Variants in LCP1 observed in about 807,000 individuals in gnomAD.
LCP1 encodes the protein plastin-2.
In LCP1, 23 loss-of-function variants were observed where a neutral mutation model predicts 72.0. The observed-to-expected ratio is 0.32, with a 90% confidence interval of 0.23 to 0.45. The LOEUF (loss-of-function observed/expected upper bound fraction) is 0.45, where lower values mean the gene tolerates loss of function less well. Among genes scored for constraint, LCP1 ranks in the 20% least tolerant of loss-of-function variants. The pLI, the probability that LCP1 is intolerant of heterozygous loss-of-function variation, is 1.00. For synonymous variants in LCP1, 245 were observed against 275.4 expected (o/e 0.89, Z 1.09); for missense variants, 571 against 748.3 (o/e 0.76, Z 2.76).
intron 1 of LCP1, among the ~76,000 whole-genome samples, chr13:46,176,863 ATG>A (rs549996097): frequency 3.3e-4 from 49 of 146,872 alleles, no homozygotes; most frequent in Middle Eastern, 3.5e-3. Context: ...GTTTCCGTGT[ATG>A]TGTGTTTATT....
At chr13:46,137,912 A>G (rs2045674353) in intron 13 of LCP1, among the ~76,000 whole-genome samples, 1 of 152,218 alleles carries the variant, frequency 6.6e-6, no homozygotes, top group African/African-American at 2.4e-5. Context: ...CTGCCTTCCA[A>G]CACTTGTTTT....
intron 4 of LCP1, among the ~76,000 whole-genome samples, chr13:46,157,741 C>CTTTTTTTTTTTTTTTTTT (rs548259648): frequency 1.0e-5 from 1 of 99,790 alleles, no homozygotes; most frequent in Non-Finnish European, 2.0e-5. Flanking sequence ...CATGACTTAT[C>CTTTTTTTTTTTTTTTTTT]TTTTTTTTTT....
intron 1 of LCP1, among the ~76,000 whole-genome samples, chr13:46,166,280 G>T (rs1233028887): frequency 6.6e-6 from 1 of 152,204 alleles, no homozygotes; most frequent in Non-Finnish European, 1.5e-5. Flanking sequence ...AAGCAGAAAG[G>T]CTAGAAAAGG....
chr13:46,145,775 G>T (rs1488795593), intron 10 of LCP1, among the ~76,000 whole-genome samples: 1 of 116,510 alleles, frequency 8.6e-6, no homozygotes, highest in Non-Finnish European at 1.8e-5. Context: ...CGGGCGTAGT[G>T]GCGGGCGCCT....
chr13:46,171,865 C>T (rs368379071), intron 1 of LCP1, among the ~76,000 whole-genome samples: 19 of 152,254 alleles, frequency 1.2e-4, no homozygotes, highest in African/African-American at 4.6e-4. Context: ...CCTCATTGTC[C>T]TCAGGGTCAG....
At chr13:46,135,556 C>A (rs1194538437) in intron 13 of LCP1, among the ~76,000 whole-genome samples, 1 of 152,140 alleles carries the variant, frequency 6.6e-6, no homozygotes, top group African/African-American at 2.4e-5. Flanking sequence ...GGTGAAAACA[C>A]CTTCCCATTA....
intron 13 of LCP1, among the ~76,000 whole-genome samples, chr13:46,140,529 C>T (rs1198882411): frequency 6.6e-6 from 1 of 152,042 alleles, no homozygotes; most frequent in Non-Finnish European, 1.5e-5. Flanking sequence ...TAAGTCTATC[C>T]CAGGATTAAA....
chr13:46,145,800 T>A (rs9645993), intron 10 of LCP1, among the ~76,000 whole-genome samples: 2 of 108,344 alleles, frequency 1.8e-5, no homozygotes, highest in African/African-American at 8.4e-5. Context: ...TCCCAGCTAC[T>A]TGGGAGGCTG....
chr13:46,150,264 G>A (rs1415004828), intron 8 of LCP1, among the ~76,000 whole-genome samples: 1 of 152,132 alleles, frequency 6.6e-6, no homozygotes, highest in Non-Finnish European at 1.5e-5. Context: ...ATTCCTTTCT[G>A]CTCCTTAACC....
At chr13:46,166,174 A>T (rs1211297583) in intron 1 of LCP1, among the ~76,000 whole-genome samples, 1 of 152,238 alleles carries the variant, frequency 6.6e-6, no homozygotes, top group African/African-American at 2.4e-5. Context: ...TCTTGAACAC[A>T]GTGCTGCAGA....
rs566540934 is a variant in LCP1 at position 46,145,223 on chromosome 13, A to G, written c.1175-703T>C. ...GCAGTCATTATGGCTTTGTAAAATT[A>G]CTACAATAAATTCTTGAGCAAGGCA... On this transcript the variant is annotated intron_variant, in intron 10 of 15. Coordinates refer to ENST00000323076, the MANE Select transcript of LCP1 (RefSeq NM_002298.5). Among the ~76,000 whole-genome samples the G allele has an allele frequency of 2.6e-5, 4 of 152,338 alleles. No individual in the cohort carries two copies. The South Asian group carries it at 8.3e-4, about 32-fold the overall frequency.
chr13:46,167,756 C>G (rs1482249312), intron 1 of LCP1, among the ~76,000 whole-genome samples: 1 of 152,194 alleles, frequency 6.6e-6, no homozygotes, highest in Non-Finnish European at 1.5e-5. Flanking sequence ...CATTCTTTCA[C>G]TCCATATATG....
intron 7 of LCP1, among the ~76,000 whole-genome samples, chr13:46,151,575 GAGTA>G (rs1244755841): frequency 2.6e-5 from 4 of 152,302 alleles, no homozygotes; most frequent in African/African-American, 9.6e-5. Context: ...TTTCCCAGAT[GAGTA>G]AGTATTTTTT....
At chr13:46,181,619 T>A (rs2045955475) in intron 1 of LCP1, among the ~76,000 whole-genome samples, 1 of 152,174 alleles carries the variant, frequency 6.6e-6, no homozygotes, top group Admixed American at 6.5e-5. Context: ...AACATATGAC[T>A]CTAGATAATT....
intron 1 of LCP1, among the ~76,000 whole-genome samples, chr13:46,177,565 A>G (rs2045937411): frequency 2.0e-5 from 3 of 152,042 alleles, no homozygotes; most frequent in Non-Finnish European, 4.4e-5. Context: ...GCTTGAACCC[A>G]GGAGGCGGAG....
At chr13:46,159,741 A>T in intron 1 of LCP1, 55 bp from the exon 2 acceptor site, 1 of 1,022,142 alleles carries the variant, frequency 9.8e-7, no homozygotes, top group Non-Finnish European at 1.5e-6. Flanking sequence ...TTCTTAAAAT[A>T]CCACATTAAG....
chr13:46,181,838 A>G (rs1294160569), intron 1 of LCP1, among the ~76,000 whole-genome samples: 1 of 152,230 alleles, frequency 6.6e-6, no homozygotes, highest in African/African-American at 2.4e-5. Flanking sequence ...TTGGTTTTAA[A>G]AGGAAAAAGA....
chr13:46,163,404 A>G (rs889205949), intron 1 of LCP1, among the ~76,000 whole-genome samples: 3 of 152,172 alleles, frequency 2.0e-5, no homozygotes, highest in African/African-American at 4.8e-5. Flanking sequence ...GGGCGGTGCC[A>G]GATGTGCTTT....
chr13:46,147,820 C>T (rs2045739916), intron 9 of LCP1, among the ~76,000 whole-genome samples: 1 of 152,054 alleles, frequency 6.6e-6, no homozygotes, highest in Admixed American at 6.6e-5. Flanking sequence ...TTTCAGAAAA[C>T]AAAACTTTAA....
Sources: gnomAD v4.1 joint callset for allele counts (sites outside exome capture counted in the v4.1 genomes callset) on GRCh38, gnomAD v4.1.1 for gene constraint, MANE v1.5 for transcripts, NCBI Gene and HGNC (gene_info 2026-07-23, HGNC 2026-07-21) for gene names.